DAB2IP: variants seen among roughly 807,000 people sequenced by gnomAD.
The protein encoded by DAB2IP is DAB2 interacting protein, also known as disabled homolog 2-interacting protein.
Under a neutral mutation model 107.2 loss-of-function variants are expected in DAB2IP, and 28 were observed. The ratio of observed to expected loss-of-function variants is 0.26; its 90% CI spans 0.19 to 0.36. DAB2IP has a LOEUF of 0.36. Among genes scored for constraint, DAB2IP ranks in the 10% least tolerant of loss-of-function variants. DAB2IP has a pLI of 1.00. For missense variants in DAB2IP, 1,400 were observed against 1,644.7 expected, an observed-to-expected ratio of 0.85 and a Z score of 2.57; for synonymous variants, 755 against 706.4, an observed-to-expected ratio of 1.07 and a Z score of -1.09.
exon 7 of DAB2IP, chr9:121,763,624 C>T: frequency 6.2e-7 from 1 of 1,613,488 alleles, no homozygotes; most frequent in Non-Finnish European, 8.5e-7. Context: ...AGCTAGTGGG[C>T]CAGAAGTACC....
At chr9:121,746,162 A>G (rs1414268704) in intron 3 of DAB2IP, among the ~76,000 whole-genome samples, 1 of 152,018 alleles carries the variant, frequency 6.6e-6, no homozygotes, top group Non-Finnish European at 1.5e-5. Context: ...AGAAGCCAGG[A>G]GCATCCAGAG....
chr9:121,740,941 G>A (rs1049917294), intron 3 of DAB2IP, among the ~76,000 whole-genome samples: 4 of 152,170 alleles, frequency 2.6e-5, no homozygotes, highest in African/African-American at 7.2e-5. Flanking sequence ...CAGAATTGGA[G>A]CCTGGGCCTG....
At chr9:121,613,390 T>G (rs1374965522) in intron 1 of DAB2IP, among the ~76,000 whole-genome samples, 1 of 152,236 alleles carries the variant, frequency 6.6e-6, no homozygotes, top group Non-Finnish European at 1.5e-5. Flanking sequence ...TTTATATCCT[T>G]GCTGGAATTT....
At chr9:121,777,592 A>G (rs1835293960) in intron 14 of DAB2IP, among the ~76,000 whole-genome samples, 1 of 152,242 alleles carries the variant, frequency 6.6e-6, no homozygotes. Context: ...CCAATCCTGG[A>G]ATATTTCCTC....
chr9:121,747,472 C>T (rs1469352896), intron 3 of DAB2IP, among the ~76,000 whole-genome samples: 3 of 152,038 alleles, frequency 2.0e-5, no homozygotes, highest in East Asian at 1.9e-4. Context: ...CTCAGCCTCC[C>T]GAGTAGCTGG....
In DAB2IP at chr9:121,772,889, C is replaced by T. The variant is rs1834874124; in HGVS notation, c.2361C>T (p.Ala787=). 19 of 1,576,210 alleles carry T rather than the reference C, an allele frequency of 1.2e-5. No homozygotes were observed. The highest frequency in any genetic ancestry group is 1.6e-5 in the Non-Finnish European group (19 of 1,165,012). The change falls in exon 12 of 16, where the codon GCC becomes GCT. Residue 787 remains alanine, a synonymous_variant. Coordinates refer to ENST00000408936, the Ensembl canonical transcript of DAB2IP. The surrounding 1 kb of genome is among the most constrained non-coding windows in gnomAD (Gnocchi z 4.7). Reference sequence around the variant, plus strand: ...CTCAGCTGGTGGCCGGGTGGCCGGCCCGGGCAACCCCAGTGAACCTGGCAG... The same window carrying T: ...CTCAGCTGGTGGCCGGGTGGCCGGCTCGGGCAACCCCAGTGAACCTGGCAG...
At position 121,760,573 on chromosome 9, in the gene DAB2IP, A is replaced by T; in HGVS notation, c.1170+134A>T. On this transcript the variant is annotated intron_variant, in intron 6 of 15. Transcript: ENST00000408936. The surrounding 1 kb of genome is among the most constrained non-coding windows in gnomAD (Gnocchi z 5.9). ...GGTCACTACCAGAAGGGCTCCCTAA[A>T]CCCAAAAGTTCTATCGTGGGCTGGG... is the stretch of plus-strand genomic sequence containing the variant. 9.0e-7 allele frequency: 1 copy of T among 1,111,272 alleles called. No homozygotes were observed. Among genetic ancestry groups the T allele is most frequent in the Non-Finnish European group, 1.2e-6 (1 of 806,318 alleles). The allele number at this position is 1,111,272 out of a possible 1,614,324, so 68.8% of individuals were successfully genotyped here. A position where few individuals can be genotyped will look rare whatever the true frequency, so the allele number is the denominator to read the frequency against.
chr9:121,581,084 A>G (rs1830185132), intron 1 of DAB2IP, among the ~76,000 whole-genome samples: 1 of 152,194 alleles, frequency 6.6e-6, no homozygotes. Flanking sequence ...AGTTTCAGGC[A>G]GGGGAGGAAC....
At chr9:121,609,480 G>A (rs972303974) in intron 1 of DAB2IP, among the ~76,000 whole-genome samples, 8 of 152,086 alleles carry the variant, frequency 5.3e-5, no homozygotes, top group East Asian at 1.9e-4. Flanking sequence ...ACCCCCATTC[G>A]GCTCCCAACT....
chr9:121,591,158 A>T (rs991397903), intron 1 of DAB2IP, among the ~76,000 whole-genome samples: 2 of 152,124 alleles, frequency 1.3e-5, no homozygotes, highest in Admixed American at 1.3e-4. Flanking sequence ...GCAGAGAGGG[A>T]TGGGGAAGAT....
intron 1 of DAB2IP, among the ~76,000 whole-genome samples, chr9:121,627,029 C>T (rs1392167701): frequency 6.6e-6 from 1 of 151,610 alleles, no homozygotes; most frequent in Non-Finnish European, 1.5e-5. Flanking sequence ...GCTTCTTAGT[C>T]TATAAAAATG....
At chr9:121,726,113 G>C (rs1831225531) in intron 3 of DAB2IP, among the ~76,000 whole-genome samples, 1 of 152,222 alleles carries the variant, frequency 6.6e-6, no homozygotes, top group South Asian at 2.1e-4. Context: ...AAAAGACCAA[G>C]GCAGGATTAG....
At chr9:121,603,386 C>T (rs1830757514) in intron 1 of DAB2IP, among the ~76,000 whole-genome samples, 1 of 151,600 alleles carries the variant, frequency 6.6e-6, no homozygotes. Context: ...GGTGCTTGTT[C>T]TGCCTTGGAC....
At chr9:121,770,559 A>G (rs1472436185) in exon 11 of DAB2IP, 1 of 1,613,994 alleles carries the variant, frequency 6.2e-7, no homozygotes, top group Admixed American at 1.7e-5. Flanking sequence ...ATAGTATCCA[A>G]ACTGGGACCC....
chr9:121,649,977 A>G (rs1357624041), upstream of DAB2IP, among the ~76,000 whole-genome samples: 2 of 152,254 alleles, frequency 1.3e-5, no homozygotes, highest in Non-Finnish European at 2.9e-5. Context: ...AAACTTTCTT[A>G]AAGCATGATG....
chr9:121,721,401 C>G (rs1410249466), intron 3 of DAB2IP, among the ~76,000 whole-genome samples: 2 of 152,224 alleles, frequency 1.3e-5, no homozygotes, highest in East Asian at 3.8e-4. Flanking sequence ...AAACAATAAG[C>G]AAGTCCCTGC....
intron 1 of DAB2IP, chr9:121,575,091 GAA>G (rs1354809050): frequency 6.6e-6 from 1 of 152,464 alleles, no homozygotes. Flanking sequence ...GCTCAAGAGA[GAA>G]GAGTTGGTTT....
intron 3 of DAB2IP, 80 bp from the exon 4 acceptor site, chr9:121,756,933 C>T: frequency 6.3e-7 from 1 of 1,596,810 alleles, no homozygotes. Context: ...AGGGGCACGG[C>T]CAGGGCAGAT....
At chr9:121,588,396 G>A (rs1830350334) in intron 1 of DAB2IP, among the ~76,000 whole-genome samples, 1 of 151,864 alleles carries the variant, frequency 6.6e-6, no homozygotes, top group Admixed American at 6.6e-5. Flanking sequence ...CCCACCAGCT[G>A]GGCACCTAGC....
Sources: gnomAD v4.1 joint callset for allele counts (sites outside exome capture counted in the v4.1 genomes callset) on GRCh38, gnomAD v4.1.1 for gene constraint, Gnocchi (gnomAD v3.1) non-coding constraint, MANE v1.5 for transcripts, NCBI Gene and HGNC (gene_info 2026-07-23, HGNC 2026-07-21) for gene names.